Variants in BLTP1 observed in about 807,000 individuals in gnomAD.
BLTP1 encodes the protein bridge-like lipid transfer protein family member 1, also known as fragile site-associated protein.
the BLTP1 span, chr4:122,325,086 G>A: frequency 1.3e-6 from 1 of 758,018 alleles, no homozygotes; most frequent in Non-Finnish European, 2.0e-6. Context: ...TTTATGGGAT[G>A]CTAAAGGTTA....
the BLTP1 span, among the ~76,000 whole-genome samples, chr4:122,290,327 G>C: frequency 6.6e-6 from 1 of 152,156 alleles, no homozygotes; most frequent in African/African-American, 2.4e-5. Context: ...ATTCCTTTCT[G>C]CCACTGAAGA....
At chr4:122,272,234 A>G in the BLTP1 span, 1 of 1,613,340 alleles carries the variant, frequency 6.2e-7, no homozygotes, top group Non-Finnish European at 8.5e-7. Context: ...TTTGACTAAG[A>G]CTCAGAGGAA....
chr4:122,262,711 CA>C, the BLTP1 span: 1 of 1,512,732 alleles, frequency 6.6e-7, no homozygotes, highest in Non-Finnish European at 8.8e-7. Context: ...TTGTAGTTAT[CA>C]GCTGTCATTT....
chr4:122,243,873 G>GA, the BLTP1 span: 38 of 1,592,380 alleles, frequency 2.4e-5, no homozygotes, highest in Admixed American at 9.0e-5. Flanking sequence ...TACTCCATTG[G>GA]AAAAAAAACT....
chr4:122,188,038 T>C, the BLTP1 span: 2 of 1,584,440 alleles, frequency 1.3e-6, no homozygotes, highest in Admixed American at 3.6e-5. Flanking sequence ...TTGAAAATGT[T>C]CGAGTCATGC....
the BLTP1 span, chr4:122,346,843 A>G: frequency 6.5e-7 from 1 of 1,544,402 alleles, no homozygotes; most frequent in Non-Finnish European, 8.7e-7. Flanking sequence ...CTTACTTGGC[A>G]GGGTGTACCA....
At chr4:122,307,558 T>G in the BLTP1 span, 1 of 984,146 alleles carries the variant, frequency 1.0e-6, no homozygotes, top group Non-Finnish European at 1.2e-6. Context: ...TAATGGTATG[T>G]TCCTAGCATT....
chr4:122,231,912 G>T, the BLTP1 span: 2 of 786,096 alleles, frequency 2.5e-6, no homozygotes, highest in Non-Finnish European at 3.1e-6. Flanking sequence ...AATTGAGGAA[G>T]ATTTGACATA....
chr4:122,234,750 G>GTTTTTTT, the BLTP1 span: 1 of 1,532,074 alleles, frequency 6.5e-7, no homozygotes, highest in Non-Finnish European at 8.8e-7. Flanking sequence ...GTTGTTTTTT[G>GTTTTTTT]TTTTCTTTTG....
At chr4:122,353,748 C>T in the BLTP1 span, 1 of 1,518,582 alleles carries the variant, frequency 6.6e-7, no homozygotes. This position sits in a 1 kb window ranked among gnomAD's most constrained non-coding sequence, Gnocchi z 4.3. Context: ...GCTCTGAGGC[C>T]ACAATTATCA....
At chr4:122,346,596 T>C in the BLTP1 span, 43 of 1,606,858 alleles carry the variant, frequency 2.7e-5, no homozygotes, top group Admixed American at 8.5e-5. Flanking sequence ...TAGAAATCTG[T>C]ACTAACAAAT....
At chr4:122,280,055 A>G in the BLTP1 span, 1 of 1,601,244 alleles carries the variant, frequency 6.2e-7, no homozygotes, top group Non-Finnish European at 8.5e-7. Context: ...CATTAACAAA[A>G]GTTTGGAGGG....
the BLTP1 span, chr4:122,348,519 G>T: frequency 1.3e-6 from 2 of 1,485,146 alleles, no homozygotes; most frequent in Non-Finnish European, 1.8e-6. Context: ...TTTGTAACTA[G>T]CTTGGCATTT....
At chr4:122,295,690 C>T in the BLTP1 span, among the ~76,000 whole-genome samples, 1 of 151,934 alleles carries the variant, frequency 6.6e-6, no homozygotes, top group Admixed American at 6.6e-5. Context: ...TGCAAAAATC[C>T]TCAAAAAAAT....
the BLTP1 span, chr4:122,325,807 T>C: frequency 1.0e-6 from 1 of 995,642 alleles, no homozygotes; most frequent in Non-Finnish European, 1.3e-6. Flanking sequence ...TCATTGTTAT[T>C]TTTCATGAGT....
chr4:122,199,511 CTTATA>C, the BLTP1 span: 29 of 1,405,018 alleles, frequency 2.1e-5, no homozygotes, highest in Admixed American at 2.6e-4. Context: ...TTTTAATTTT[CTTATA>C]TTAAGTTTAA....
the BLTP1 span, chr4:122,356,123 C>A: frequency 1.5e-6 from 1 of 663,022 alleles, no homozygotes; most frequent in Non-Finnish European, 2.4e-6. Flanking sequence ...GATTTATTTT[C>A]TTATCAGCTA....
At chr4:122,227,522 AAAAT>A in the BLTP1 span, 1 of 963,324 alleles carries the variant, frequency 1.0e-6, no homozygotes, top group Non-Finnish European at 1.2e-6. Context: ...TCAAAAGAGA[AAAAT>A]AACTTACCCT....
the BLTP1 span, chr4:122,188,882 A>G: frequency 1.1e-6 from 1 of 885,414 alleles, no homozygotes; most frequent in East Asian, 1.2e-4. Flanking sequence ...TTTTAGTTGT[A>G]ACTCTTGGCT....
Sources: gnomAD v4.1 joint callset for allele counts (sites outside exome capture counted in the v4.1 genomes callset) on GRCh38, gnomAD v4.1.1 for gene constraint, Gnocchi (gnomAD v3.1) non-coding constraint, MANE v1.5 for transcripts, NCBI Gene and HGNC (gene_info 2026-07-23, HGNC 2026-07-21) for gene names.